The following CCSER1 variants were observed in gnomAD, a reference collection of about 807,000 sequenced individuals.
CCSER1 encodes the protein serine-rich coiled-coil domain-containing protein 1.
In CCSER1, 41 loss-of-function variants were observed where a neutral mutation model predicts 82.0. The ratio of observed to expected loss-of-function variants is 0.50; its 90% CI spans 0.39 to 0.65. The LOEUF is 0.65. Among genes scored for constraint, CCSER1 ranks in the 30% least tolerant of loss-of-function variants. The probability of loss-of-function intolerance (pLI) is 0.00; values close to 1 mark genes in which losing one functional copy is unlikely to be tolerated. For synonymous variants in CCSER1, 414 were observed against 383.9 expected, an observed-to-expected ratio of 1.08 and a Z score of -0.92; for missense variants, 1,119 against 1,064.2, an observed-to-expected ratio of 1.05 and a Z score of -0.72.
intron 10 of CCSER1, among the ~76,000 whole-genome samples, chr4:91,243,438 C>T (rs1196582422): frequency 1.3e-5 from 2 of 152,162 alleles, no homozygotes; most frequent in Non-Finnish European, 1.5e-5. Flanking sequence ...GCTGGCACAG[C>T]TAAGGGAGTG....
chr4:91,578,280 G>A (rs994946977), intron 10 of CCSER1, among the ~76,000 whole-genome samples: 1 of 151,894 alleles, frequency 6.6e-6, no homozygotes, highest in African/African-American at 2.4e-5. Flanking sequence ...CAGTTTGTAA[G>A]CAGGGTATTA....
intron 6 of CCSER1, among the ~76,000 whole-genome samples, chr4:90,697,656 A>AACC (rs1737223792): frequency 6.6e-6 from 1 of 152,194 alleles, no homozygotes; most frequent in Non-Finnish European, 1.5e-5. Context: ...GACCAAGTCC[A>AACC]ACCCTCATTC....
intron 5 of CCSER1, among the ~76,000 whole-genome samples, chr4:90,505,946 C>A (rs1770617381): frequency 6.6e-6 from 1 of 152,108 alleles, no homozygotes; most frequent in African/African-American, 2.4e-5. Flanking sequence ...GGTAAAATTT[C>A]TCCCCCTCTC....
At chr4:90,771,565 T>TAAAAAA (rs34848155) in intron 7 of CCSER1, among the ~76,000 whole-genome samples, 10 of 98,206 alleles carry the variant, frequency 1.0e-4, no homozygotes, top group African/African-American at 2.6e-4. Context: ...TGCCGGGCAC[T>TAAAAAA]AAAAAAAAAA....
intron 10 of CCSER1, among the ~76,000 whole-genome samples, chr4:91,371,917 A>G (rs114518976): frequency 0.019 from 2,970 of 152,310 alleles, 76 homozygotes; most frequent in African/African-American, 0.067. Context: ...CACAGGGGGC[A>G]TAATAAGATC....
At chr4:91,193,992 C>T (rs535612772) in intron 10 of CCSER1, among the ~76,000 whole-genome samples, 40 of 152,160 alleles carry the variant, frequency 2.6e-4, no homozygotes, top group Non-Finnish European at 4.0e-4. Flanking sequence ...GTTTTTGAGA[C>T]GTAGTCTCAC....
intron 10 of CCSER1, among the ~76,000 whole-genome samples, chr4:91,114,095 G>T (rs762090081): frequency 2.0e-5 from 3 of 152,066 alleles, no homozygotes; most frequent in South Asian, 2.1e-4. Context: ...CTCGTGATCC[G>T]CCCGTCTCGG....
At chr4:90,526,263 A>G (rs1773744222) in intron 5 of CCSER1, among the ~76,000 whole-genome samples, 1 of 152,120 alleles carries the variant, frequency 6.6e-6, no homozygotes, top group Non-Finnish European at 1.5e-5. Context: ...ACCTAAACCA[A>G]TTTCGCTGTA....
chr4:91,514,673 C>T (rs1240402860), intron 10 of CCSER1, among the ~76,000 whole-genome samples: 1 of 152,040 alleles, frequency 6.6e-6, no homozygotes, highest in Non-Finnish European at 1.5e-5. Context: ...TGGAGACTGA[C>T]AAGTTCCACA....
At chr4:90,141,423 T>C (rs992415751) in intron 1 of CCSER1, among the ~76,000 whole-genome samples, 2 of 152,358 alleles carry the variant, frequency 1.3e-5, no homozygotes, top group East Asian at 3.9e-4. Flanking sequence ...AGGTAATATG[T>C]TAAGCTCTTT....
chr4:90,284,969 G>T (rs1321872561), intron 1 of CCSER1, among the ~76,000 whole-genome samples: 1 of 151,928 alleles, frequency 6.6e-6, no homozygotes, highest in Non-Finnish European at 1.5e-5. Context: ...TTGTTTCTGG[G>T]TTCTCTATTC....
intron 3 of CCSER1, among the ~76,000 whole-genome samples, chr4:90,351,772 G>A: frequency 6.6e-6 from 1 of 152,156 alleles, no homozygotes; most frequent in South Asian, 2.1e-4. Flanking sequence ...AAAATTTTTT[G>A]TTTTTTGTCT....
chr4:90,624,344 CT>C (rs1722896558), intron 5 of CCSER1, among the ~76,000 whole-genome samples: 1 of 152,040 alleles, frequency 6.6e-6, no homozygotes, highest in South Asian at 2.1e-4. Flanking sequence ...TTGAAGAGCA[CT>C]TGTGGGCAGA....
intron 9 of CCSER1, among the ~76,000 whole-genome samples, chr4:91,052,090 T>C (rs1743055862): frequency 6.6e-6 from 1 of 152,112 alleles, no homozygotes; most frequent in Non-Finnish European, 1.5e-5. Flanking sequence ...ATATAATTGT[T>C]ATGGAACCCT....
In CCSER1 at chr4:90,830,159, C is replaced by T. The variant is rs546653430; in HGVS notation, c.2094+14314C>T. On this transcript the variant is annotated intron_variant, in intron 8 of 10. Transcript: ENST00000509176. ...AGTCGGGGAGAGACCTCTCCTGCTC[C>T]GCTCATGCTTAACTACAGCATAAAA... Among the ~76,000 whole-genome samples the T allele has an allele frequency of 5.2e-4, 79 of 152,238 alleles. 1 individual carries two copies. The highest frequency in any genetic ancestry group is 3.1e-3 in the South Asian group (15 of 4,816).
chr4:91,316,276 G>A (rs1745831416), intron 10 of CCSER1, among the ~76,000 whole-genome samples: 1 of 152,016 alleles, frequency 6.6e-6, no homozygotes, highest in South Asian at 2.1e-4. Context: ...AGGTTTATGA[G>A]GGTCATTTAT....
At chr4:90,330,074 G>A (rs988640443) in intron 3 of CCSER1, among the ~76,000 whole-genome samples, 12 of 152,042 alleles carry the variant, frequency 7.9e-5, no homozygotes, top group African/African-American at 1.7e-4. Flanking sequence ...AATTTTGAAC[G>A]TAGTATATTT....
chr4:90,766,907 A>C (rs889017181), intron 7 of CCSER1, among the ~76,000 whole-genome samples: 3 of 152,104 alleles, frequency 2.0e-5, no homozygotes, highest in African/African-American at 4.8e-5. Context: ...GATGTGATCT[A>C]TACTCTGTAG....
intron 10 of CCSER1, among the ~76,000 whole-genome samples, chr4:91,188,546 G>T (rs1186304424): frequency 1.3e-5 from 2 of 152,120 alleles, no homozygotes; most frequent in Admixed American, 6.6e-5. Context: ...TCAGTAAATT[G>T]TTATTATTGT....
Sources: allele counts gnomAD v4.1 joint callset (sites outside exome capture counted in the v4.1 genomes callset), GRCh38; gene constraint gnomAD v4.1.1; transcripts MANE v1.5; gene names NCBI Gene and HGNC (gene_info 2026-07-23, HGNC 2026-07-21).